Variants in TENT5D observed in about 807,000 individuals in gnomAD.
The protein encoded by TENT5D is cancer/testis antigen 112.
For missense variants in TENT5D, 191 were observed against 287.0 expected (o/e 0.67, Z 2.42); for synonymous variants, 103 against 100.6 (o/e 1.02, Z -0.15).
intron 2 of TENT5D, among the ~76,000 whole-genome samples, chrX:80,441,498 A>G (rs1019647615): frequency 2.7e-5 from 3 of 111,214 alleles, no homozygotes; most frequent in Non-Finnish European, 5.7e-5. Flanking sequence ...CTTAGGCTTC[A>G]TATTGTTTTT....
intron 3 of TENT5D, among the ~76,000 whole-genome samples, chrX:80,347,517 T>G (rs1440777874): frequency 8.9e-6 from 1 of 112,082 alleles, no homozygotes; most frequent in African/African-American, 3.2e-5. Flanking sequence ...TTGATGGGGT[T>G]GTTTGGTTTT....
At chrX:80,370,797 G>T (rs769557911) in intron 3 of TENT5D, among the ~76,000 whole-genome samples, 1 of 111,531 alleles carries the variant, frequency 9.0e-6, no homozygotes, top group South Asian at 3.7e-4. Flanking sequence ...AATAAGATAT[G>T]TTGTTACTTC....
intron 3 of TENT5D, among the ~76,000 whole-genome samples, chrX:80,365,816 G>C (rs940020834): frequency 9.1e-6 from 1 of 109,334 alleles, no homozygotes; most frequent in African/African-American, 3.3e-5. Context: ...ACTCCAGCCT[G>C]GGGGATAGAG....
At chrX:80,388,709 G>A (rs1383355568) in intron 3 of TENT5D, among the ~76,000 whole-genome samples, 3 of 111,822 alleles carry the variant, frequency 2.7e-5, no homozygotes, top group Admixed American at 9.5e-5. Flanking sequence ...CCTGCGGTTG[G>A]TAGAGAGGTG....
chrX:80,385,359 G>A (rs1930972646), intron 3 of TENT5D, among the ~76,000 whole-genome samples: 1 of 109,967 alleles, frequency 9.1e-6, no homozygotes, highest in African/African-American at 3.3e-5. Flanking sequence ...AGGGAAAACT[G>A]GCTAGCCATA....
chrX:80,438,294 G>A (rs1569375859), intron 1 of TENT5D, among the ~76,000 whole-genome samples: 2 of 109,823 alleles, frequency 1.8e-5, no homozygotes, highest in African/African-American at 6.6e-5. Context: ...TAGAAACTCT[G>A]GAGGTGGGAC....
At chrX:80,344,524 G>T (rs1356483192) in intron 3 of TENT5D, among the ~76,000 whole-genome samples, 1 of 109,060 alleles carries the variant, frequency 9.2e-6, no homozygotes, top group Non-Finnish European at 1.9e-5. Context: ...TATATCTTAT[G>T]GTTTTGATTT....
At chrX:80,370,070 G>A (rs975767530) in intron 3 of TENT5D, among the ~76,000 whole-genome samples, 1 of 109,480 alleles carries the variant, frequency 9.1e-6, no homozygotes, top group Non-Finnish European at 1.9e-5. Flanking sequence ...TAACAAGTAC[G>A]TGCCACCACA....
rs982807545 is a variant in TENT5D at position 80,429,912 on chromosome X, T to C, written c.-141-8698T>C. ...AGCCTTTTTAAAAAGGCCATCTGGTTTTTGATTTAACAAAGACAGTTTAGA... is the reference window on the plus strand; with the variant it reads ...AGCCTTTTTAAAAAGGCCATCTGGTCTTTGATTTAACAAAGACAGTTTAGA... On this transcript the variant is annotated intron_variant, in intron 1 of 2. Coordinates refer to ENST00000308293, the Ensembl canonical transcript of TENT5D. 1.9e-4 allele frequency among the ~76,000 whole-genome samples: 21 copies of C among 111,607 alleles called. No individual in the cohort carries two copies. In the Admixed American group the frequency reaches 2.0e-3, roughly 11 times the overall value.
intron 2 of TENT5D, among the ~76,000 whole-genome samples, chrX:80,440,609 T>C (rs777460333): frequency 9.0e-6 from 1 of 110,868 alleles, no homozygotes. Flanking sequence ...ATGATTTACA[T>C]GGAGACTGTA....
At chrX:80,352,514 C>A (rs1930200029) in intron 3 of TENT5D, among the ~76,000 whole-genome samples, 1 of 110,030 alleles carries the variant, frequency 9.1e-6, no homozygotes, top group African/African-American at 3.3e-5. Flanking sequence ...TTCCCCCCAC[C>A]AAGCTCCGTT....
At chrX:80,360,083 G>A (rs1330255526) in intron 3 of TENT5D, among the ~76,000 whole-genome samples, 2 of 111,723 alleles carry the variant, frequency 1.8e-5, no homozygotes, top group South Asian at 3.7e-4. Flanking sequence ...TCAGATGAGC[G>A]AGATTGAGAA....
chrX:80,352,649 C>T (rs1348492767), intron 3 of TENT5D, among the ~76,000 whole-genome samples: 2 of 106,345 alleles, frequency 1.9e-5, no homozygotes, highest in South Asian at 4.5e-4. Flanking sequence ...GGCTTCAGCC[C>T]CCTTTCCAGG....
intron 3 of TENT5D, among the ~76,000 whole-genome samples, chrX:80,398,605 C>G (rs1428556139): frequency 1.8e-5 from 2 of 110,236 alleles, no homozygotes; most frequent in Non-Finnish European, 3.8e-5. Flanking sequence ...GAGCAGTAGC[C>G]TAGTTTCATC....
chrX:80,344,111 G>T (rs1930016134), intron 3 of TENT5D, among the ~76,000 whole-genome samples: 1 of 110,131 alleles, frequency 9.1e-6, no homozygotes, highest in South Asian at 4.0e-4. Context: ...CATCTATGTT[G>T]CTGCAAATGA....
chrX:80,372,439 A>G (rs1361811157), intron 3 of TENT5D, among the ~76,000 whole-genome samples: 1 of 112,074 alleles, frequency 8.9e-6, no homozygotes, highest in South Asian at 3.7e-4. Context: ...CATTGTGTGT[A>G]TATATAAAAA....
chrX:80,404,187 G>A (rs1262378482), intron 3 of TENT5D, among the ~76,000 whole-genome samples: 1 of 111,363 alleles, frequency 9.0e-6, no homozygotes, highest in Non-Finnish European at 1.9e-5. Context: ...TGGGATCACA[G>A]GTCATTATAA....
intron 3 of TENT5D, among the ~76,000 whole-genome samples, chrX:80,407,501 A>T (rs1374588234): frequency 9.2e-6 from 1 of 108,871 alleles, no homozygotes; most frequent in African/African-American, 3.4e-5. Context: ...AAAGAGACAA[A>T]GAAGGCCATT....
intron 1 of TENT5D, among the ~76,000 whole-genome samples, chrX:80,421,787 G>A (rs777249169): frequency 9.0e-6 from 1 of 111,513 alleles, no homozygotes; most frequent in African/African-American, 3.3e-5. Flanking sequence ...TGAGGGAGGG[G>A]ACTTCCCCAT....
Sources: allele counts gnomAD v4.1 joint callset (sites outside exome capture counted in the v4.1 genomes callset), GRCh38; gene constraint gnomAD v4.1.1; transcripts MANE v1.5; gene names NCBI Gene and HGNC (gene_info 2026-07-23, HGNC 2026-07-21).